The following RALGDS variants were observed in gnomAD, a reference collection of about 807,000 sequenced individuals.
RALGDS encodes ral guanine nucleotide exchange factor.
RALGDS carries 44 observed loss-of-function variants against 99.8 expected under a neutral mutation model. The observed-to-expected ratio is 0.44, with a 90% CI of 0.35 to 0.57. RALGDS has a LOEUF of 0.57. RALGDS is among the 20% of genes least tolerant of loss of function. The pLI is 0.01. For synonymous variants in RALGDS, 529 were observed against 505.0 expected, an observed-to-expected ratio of 1.05 and a Z score of -0.64; for missense variants, 1,022 against 1,203.1, an observed-to-expected ratio of 0.85 and a Z score of 2.23.
At chr9:133,140,599 C>T (rs976045760) in intron 1 of RALGDS, among the ~76,000 whole-genome samples, 1 of 152,076 alleles carries the variant, frequency 6.6e-6, no homozygotes, top group African/African-American at 2.4e-5. Context: ...CTTATCCTTC[C>T]CAGAAGGACT....
chr9:133,106,623 G>A (rs775078841), intron 8 of RALGDS, 22 bp downstream of exon 8: 3 of 1,547,070 alleles, frequency 1.9e-6, no homozygotes, highest in South Asian at 2.3e-5. Context: ...TGCACCAGGA[G>A]CTCCTACAGA....
In RALGDS at chr9:133,101,578, C is replaced by A. The variant is rs765821598; in HGVS notation, c.2396G>T (p.Cys799Phe). 1 of 1,612,600 alleles carries A rather than the reference C, an allele frequency of 6.2e-7. No individual in the cohort carries two copies. The highest frequency in any genetic ancestry group is 8.5e-7 in the Non-Finnish European group (1 of 1,180,030). ...GTCCAGGCTGACGCGGATGATACAGCAGTCGCCCACCTGCTGGTTGTAGAG... is the reference window on the plus strand; with the variant it reads ...GTCCAGGCTGACGCGGATGATACAGAAGTCGCCCACCTGCTGGTTGTAGAG... ...LPLYNQQVGDCCIIRVSLDVD... is the reference protein window; with the variant it reads ...LPLYNQQVGDFCIIRVSLDVD... The change falls in exon 16 of 18, where the codon TGC (cysteine) becomes TTC (phenylalanine). Residue 799 changes from cysteine to phenylalanine, a missense_variant. This residue lies in a region of RALGDS where 825 missense variants were observed against 994.5 expected (regional missense o/e 0.83). Coordinates refer to ENST00000372050, the MANE Select transcript of RALGDS (RefSeq NM_006266.4).
intron 5 of RALGDS, 26 bp from the exon 6 acceptor site, chr9:133,108,432 C>T (rs925003043): frequency 5.2e-6 from 8 of 1,529,496 alleles, no homozygotes; most frequent in South Asian, 1.2e-5. Context: ...AGTTCAACAA[C>T]ATGCCAGCCT....
rs763512643 is a variant in RALGDS, at chr9:133,112,116, C to T, written c.220G>A (p.Gly74Arg). 8.2e-6 allele frequency: 13 copies of T among 1,580,400 alleles called. No individual in the cohort carries two copies. Among genetic ancestry groups the T allele is most frequent in the African/African-American group, 5.4e-5 (4 of 74,146 alleles). The change falls in exon 2 of 18, where the codon GGA becomes AGA. Residue 74 changes from glycine (G) to arginine (R), a missense_variant. Around this residue, in one of 3 missense-constraint regions of RALGDS, gnomAD observed 180 missense variants for 169.3 expected, o/e 1.06. Transcript: ENST00000372050. ...CGCAGGGAGATGGAGTAGATGACTC[C>T]GTTGATCAGCTCCTCACCGATCTCC... ...TQEIGEELINGVIYSISLRKV... is the reference protein window; with the variant it reads ...TQEIGEELINRVIYSISLRKV...
upstream of RALGDS, among the ~76,000 whole-genome samples, chr9:133,124,063 GACAC>G (rs747752024): frequency 2.5e-3 from 158 of 63,660 alleles, 21 homozygotes; most frequent in African/African-American, 9.3e-3. Flanking sequence ...CAGAGACACA[GACAC>G]ACACACACAC....
At chr9:133,102,366 G>T in intron 14 of RALGDS, 110 bp downstream of exon 14, 1 of 1,283,998 alleles carries the variant, frequency 7.8e-7, no homozygotes, top group Non-Finnish European at 1.1e-6. Context: ...CCAGTCAGCA[G>T]CAGGGTAGGA....
chr9:133,106,476 A>G (rs112322556), intron 8 of RALGDS, among the ~76,000 whole-genome samples, 169 bp downstream of exon 8: 5,135 of 152,242 alleles, frequency 0.034, 312 homozygotes, highest in African/African-American at 0.12. Flanking sequence ...TCAACCCACC[A>G]TCTGACAGCT....
At chr9:133,108,932 A>C (rs2119160673) in intron 4 of RALGDS, 66 bp from the exon 5 acceptor site, 2 of 1,476,236 alleles carry the variant, frequency 1.4e-6, no homozygotes, top group Non-Finnish European at 1.9e-6. Context: ...TGGGCTCCTG[A>C]GCCGGCCCCT....
At chr9:133,114,086 G>T (rs1831479124) in intron 1 of RALGDS, among the ~76,000 whole-genome samples, 2 of 152,214 alleles carry the variant, frequency 1.3e-5, no homozygotes, top group African/African-American at 2.4e-5. Context: ...CAGGCCAGCA[G>T]CTGGCCCAGC....
At chr9:133,100,489 C>T (rs1204910413) in intron 16 of RALGDS, 107 bp from the exon 17 acceptor site, 4 of 1,594,964 alleles carry the variant, frequency 2.5e-6, no homozygotes, top group South Asian at 1.1e-5. Context: ...CAAGCACAGG[C>T]ACTCACAGCC....
chr9:133,108,400 G>A lies in RALGDS; in HGVS notation c.785C>T (p.Ser262Leu), dbSNP rs764488895. The change falls in exon 6 of 18, where the codon TCA becomes TTA. Residue 262 changes from serine (S) to leucine (L), a missense_variant. Physicochemically the swap from Ser to Leu is moderately radical, Grantham distance 145. Transcript: ENST00000372050. ...AGTTGGTTTTAGAGCTGGCACTGGTGACAGAGCTGCAAGAGGAGAAAAGTT... is the reference window on the plus strand; with the variant it reads ...AGTTGGTTTTAGAGCTGGCACTGGTAACAGAGCTGCAAGAGGAGAAAAGTT... The part of the protein sequence containing the change: ...EPIEAEPEAL[S>L]PVPALKPTPE... The A allele has an allele frequency of 1.3e-5, 20 of 1,536,236 alleles. No individual in the cohort carries two copies. Among genetic ancestry groups the A allele is most frequent in the Non-Finnish European group, 1.7e-5 (19 of 1,146,692 alleles).
chr9:133,120,419 C>A (rs1831859301), intron 1 of RALGDS, among the ~76,000 whole-genome samples: 1 of 133,160 alleles, frequency 7.5e-6, no homozygotes, highest in Non-Finnish European at 1.7e-5. Flanking sequence ...TGCTCCACCC[C>A]ATCCCCCGAC....
intron 17 of RALGDS, 111 bp from the exon 18 acceptor site, chr9:133,098,873 C>A (rs556422379): frequency 1.5e-5 from 16 of 1,074,046 alleles, no homozygotes; most frequent in African/African-American, 3.1e-5. Context: ...GACCTCAGAT[C>A]CCCTCCAATA....
At chr9:133,131,028 A>T (rs1264861340) in exon 1 of RALGDS, 1 of 1,534,454 alleles carries the variant, frequency 6.5e-7, no homozygotes, top group Non-Finnish European at 8.7e-7. Context: ...GCAGAACAGC[A>T]GAGGCGGGGA....
At chr9:133,141,421 G>C (rs1352011611) in intron 1 of RALGDS, among the ~76,000 whole-genome samples, 2 of 150,806 alleles carry the variant, frequency 1.3e-5, no homozygotes, top group Admixed American at 1.3e-4. Context: ...GTGCAGGGTG[G>C]GTGCCCACAA....
chr9:133,120,957 C>A lies in RALGDS; in HGVS notation c.183+15G>T. ...CTCCGACGCACCCCCCGCCCGACCG[C>A]CCCAGCTCACCCACCTCCGGGCGCG... On this transcript the variant is annotated intron_variant, in intron 1 of 17. Transcript: ENST00000372050. 6.8e-7 allele frequency: 1 copy of A among 1,479,500 alleles called. No individual in the cohort carries two copies. The highest frequency in any genetic ancestry group is 1.5e-5 in the African/African-American group (1 of 68,394). The allele number at this position is 1,479,500 out of a possible 1,614,324, so 91.6% of individuals were successfully genotyped here.
intron 14 of RALGDS, 151 bp from the exon 15 acceptor site, chr9:133,102,290 C>T: frequency 9.2e-7 from 1 of 1,086,958 alleles, no homozygotes; most frequent in South Asian, 1.5e-5. Flanking sequence ...CATTTAGTAT[C>T]ACCCCATTTC....
chr9:133,109,598 C>T, intron 4 of RALGDS, 28 bp downstream of exon 4: 1 of 1,581,434 alleles, frequency 6.3e-7, no homozygotes, highest in Non-Finnish European at 8.7e-7. Context: ...GGACAGGGTC[C>T]CTTCCTCTTG....
Position 133,144,071 on chromosome 9 carries a change from G to A in RALGDS, c.18+4892C>T, listed in dbSNP as rs1258814548. 6.6e-6 allele frequency among the ~76,000 whole-genome samples: 1 copy of A among 152,104 alleles called. No homozygotes were observed. Among genetic ancestry groups the A allele is most frequent in the African/African-American group, 2.4e-5 (1 of 41,424 alleles). On this transcript the variant is annotated intron_variant, in intron 1 of 17. Coordinates refer to the RALGDS transcript ENST00000393160. This position sits in a 1 kb window ranked among gnomAD's most constrained non-coding sequence, Gnocchi z 4.5. ...GGCAGGGTCTGGGGCTGGGGTTGGG[G>A]GGAAGGACCCCTCAAGTCTCTATCT... is the stretch of plus-strand genomic sequence containing the variant.
Sources: gnomAD v4.1 joint callset for allele counts (sites outside exome capture counted in the v4.1 genomes callset) on GRCh38, gnomAD v4.1.1 for gene constraint, gnomAD v4.1.1 regional missense constraint, Gnocchi (gnomAD v3.1) non-coding constraint, MANE v1.5 for transcripts, NCBI Gene and HGNC (gene_info 2026-07-23, HGNC 2026-07-21) for gene names.